The following VPS13B variants were observed in gnomAD, a reference collection of about 807,000 sequenced individuals.
The protein encoded by VPS13B is vacuolar protein sorting 13 homolog B.
In VPS13B, 285 loss-of-function variants were observed where a neutral mutation model predicts 426.4. The ratio of observed to expected loss-of-function variants is 0.67; its 90% CI spans 0.61 to 0.74. The LOEUF (loss-of-function observed/expected upper bound fraction) is 0.74, where lower values mean the gene tolerates loss of function less well. VPS13B is among the 30% of genes least tolerant of loss of function. VPS13B has a pLI of 0.00. For missense variants in VPS13B, 4,537 were observed against 4,782.6 expected (o/e 0.95, Z 1.51); for synonymous variants, 1,676 against 1,676.4 (o/e 1.00, Z 0.01).
intron 19 of VPS13B, among the ~76,000 whole-genome samples, chr8:99,382,757 G>T (rs1341040641): frequency 6.6e-6 from 1 of 152,094 alleles, no homozygotes; most frequent in Non-Finnish European, 1.5e-5. Flanking sequence ...TTTTCATGTT[G>T]TCTGCAAAGA....
intron 36 of VPS13B, among the ~76,000 whole-genome samples, chr8:99,716,107 CAT>C (rs1247765196): frequency 1.3e-5 from 2 of 152,062 alleles, no homozygotes; most frequent in African/African-American, 4.8e-5. Context: ...TGATTTCCAC[CAT>C]GATTATTTTT....
chr8:99,136,659 T>G lies in VPS13B; in HGVS notation c.1564-6T>G. On this transcript the variant is annotated splice_polypyrimidine_tract_variant and splice_region_variant and intron_variant, in intron 11 of 61. Coordinates refer to ENST00000357162, the MANE Select transcript of VPS13B (RefSeq NM_152564.5). ...GTTTATTCTGTTTGCATTGCTTTGT[T>G]GGCAGGAGACATACACTGAGATAGC... 6.2e-7 allele frequency: 1 copy of G among 1,613,534 alleles called. No individual in the cohort carries two copies. The highest frequency in any genetic ancestry group is 1.1e-5 in the South Asian group (1 of 91,078).
At position 99,431,513 on chromosome 8, in the gene VPS13B, ATAAT is replaced by A. The variant is rs775804790; in HGVS notation, c.3083-21_3083-18del. ...AAATTGTAAGTTATGTTTCTATTAA[ATAAT>A]TAGCTATTCTCGTACTCAGAATCCC... On this transcript the variant is annotated intron_variant, in intron 21 of 61. Coordinates refer to ENST00000357162, the MANE Select transcript of VPS13B (RefSeq NM_152564.5). 1.2e-6 allele frequency: 2 copies of A among 1,612,292 alleles called. No homozygotes were observed. The highest frequency in any genetic ancestry group is 1.7e-6 in the Non-Finnish European group (2 of 1,179,318).
At chr8:99,307,062 A>T (rs1164565439) in intron 19 of VPS13B, among the ~76,000 whole-genome samples, 2 of 152,120 alleles carry the variant, frequency 1.3e-5, no homozygotes, top group Non-Finnish European at 2.9e-5. Context: ...TCAAAGAGGT[A>T]ATAATGGGTT....
chr8:99,276,822 G>T (rs1818922648), intron 19 of VPS13B, among the ~76,000 whole-genome samples: 1 of 152,036 alleles, frequency 6.6e-6, no homozygotes, highest in African/African-American at 2.4e-5. Context: ...ATACTAAAAT[G>T]ACCAGACCAT....
chr8:99,256,233 T>A (rs1043482086), intron 17 of VPS13B, among the ~76,000 whole-genome samples: 10 of 152,176 alleles, frequency 6.6e-5, no homozygotes, highest in African/African-American at 2.4e-4. Context: ...GGTCTACATG[T>A]CCCTTCCTTT....
intron 33 of VPS13B, among the ~76,000 whole-genome samples, chr8:99,579,668 G>A (rs140980350): frequency 0.02 from 3,077 of 151,896 alleles, 110 homozygotes; most frequent in African/African-American, 0.07. Context: ...AAAGTGCTGG[G>A]ATTACAGGCG....
chr8:99,643,593 C>A (rs1295987363), intron 34 of VPS13B, among the ~76,000 whole-genome samples: 1 of 152,124 alleles, frequency 6.6e-6, no homozygotes, highest in South Asian at 2.1e-4. Context: ...TACCCCCAGG[C>A]TGCTTGCTGG....
At chr8:99,773,850 G>A (rs544022997) in intron 40 of VPS13B, among the ~76,000 whole-genome samples, 2 of 152,266 alleles carry the variant, frequency 1.3e-5, no homozygotes, top group South Asian at 4.1e-4. Context: ...AATATTATAA[G>A]TTGTGATATT....
intron 4 of VPS13B, among the ~76,000 whole-genome samples, chr8:99,096,945 CTTT>C (rs1846460305): frequency 6.6e-6 from 1 of 152,072 alleles, no homozygotes; most frequent in Admixed American, 6.6e-5. Context: ...ACTCTGGTAT[CTTT>C]TAGGCCAGAC....
At chr8:99,691,912 A>T (rs1345854679) in intron 35 of VPS13B, among the ~76,000 whole-genome samples, 10 of 150,592 alleles carry the variant, frequency 6.6e-5, no homozygotes, top group African/African-American at 2.5e-4. Context: ...GATAAAACAG[A>T]CTTTAAACCA....
intron 17 of VPS13B, among the ~76,000 whole-genome samples, chr8:99,259,477 G>A (rs563357189): frequency 2.6e-5 from 4 of 152,070 alleles, no homozygotes; most frequent in Admixed American, 6.6e-5. Context: ...GTGTGGGCAA[G>A]TAGGGGGGAA....
intron 2 of VPS13B, among the ~76,000 whole-genome samples, chr8:99,030,175 G>T: frequency 1.8e-5 from 2 of 112,612 alleles, no homozygotes; most frequent in Admixed American, 9.3e-5. Flanking sequence ...TATCCCATAG[G>T]CCCTGTAGGC....
At chr8:99,756,675 T>C (rs1464392088) in intron 39 of VPS13B, among the ~76,000 whole-genome samples, 1 of 152,204 alleles carries the variant, frequency 6.6e-6, no homozygotes, top group African/African-American at 2.4e-5. Context: ...GACAGTGAGA[T>C]GACATATTCA....
chr8:99,390,309 T>G (rs1177712205), intron 20 of VPS13B, among the ~76,000 whole-genome samples: 3 of 152,070 alleles, frequency 2.0e-5, no homozygotes, highest in Non-Finnish European at 2.9e-5. Context: ...TTCACCATGT[T>G]AGCCAGGATG....
In VPS13B at chr8:99,853,607, T is replaced by G; in HGVS notation, c.10218T>G (p.Pro3406=). The G allele has an allele frequency of 1.2e-6, 2 of 1,614,156 alleles. No homozygotes were observed. The highest frequency in any genetic ancestry group is 2.2e-5 in the East Asian group (1 of 44,880). ...TGGCCCCGGGAGCTGGTCCCCTCCC[T>G]GGGGAAGAGCCTGTGGCTGCGTTGT... ...LCVAPGAGPL[P]GEEPVAALFE... The change falls in exon 56 of 62, where the codon CCT becomes CCG. Residue 3406 remains proline, a synonymous_variant. Coordinates refer to ENST00000357162, the MANE Select transcript of VPS13B (RefSeq NM_152564.5).
rs1813701469 is a variant in VPS13B at position 99,193,155 on chromosome 8, A to G, written c.2515+98A>G. ...TCCATATGTCTAGCATGGTCAACTT[A>G]AATTGTAATATGTTTCTTTGAATGT... is the stretch of plus-strand genomic sequence containing the variant. On this transcript the variant is annotated intron_variant, in intron 17 of 61. Coordinates refer to ENST00000357162, the MANE Select transcript of VPS13B (RefSeq NM_152564.5). 8.5e-6 allele frequency: 10 copies of G among 1,181,800 alleles called. 1 individual carries two copies. Among genetic ancestry groups the G allele is most frequent in the Middle Eastern group, 2.7e-4 (1 of 3,752 alleles). 73.2% of individuals were successfully genotyped at this position (1,181,800 alleles called of 1,614,324 possible).
chr8:99,572,997 A>G (rs1426302905), intron 31 of VPS13B, among the ~76,000 whole-genome samples: 1 of 152,156 alleles, frequency 6.6e-6, no homozygotes, highest in Admixed American at 6.5e-5. Context: ...TTGCCATTCT[A>G]ACTGGTGTGA....
At chr8:99,336,206 G>A (rs1037108987) in intron 19 of VPS13B, among the ~76,000 whole-genome samples, 23 of 151,928 alleles carry the variant, frequency 1.5e-4, no homozygotes, top group African/African-American at 4.6e-4. Context: ...CAGAAATAAC[G>A]CCGCATATCT....
Sources: allele counts gnomAD v4.1 joint callset (sites outside exome capture counted in the v4.1 genomes callset), GRCh38; gene constraint gnomAD v4.1.1; transcripts MANE v1.5; gene names NCBI Gene and HGNC (gene_info 2026-07-23, HGNC 2026-07-21).